ANO3: variants seen among roughly 807,000 people sequenced by gnomAD.
ANO3 encodes anoctamin-3.
Under a neutral mutation model 144.8 loss-of-function variants are expected in ANO3, and 99 were observed. The ratio of observed to expected loss-of-function variants is 0.68; its 90% confidence interval spans 0.58 to 0.81. The LOEUF is 0.81. Among genes scored for constraint, ANO3 ranks in the 30% least tolerant of loss-of-function variants. The pLI, the probability that ANO3 is intolerant of heterozygous loss-of-function variation, is 0.00. For missense variants in ANO3, 905 were observed against 1,202.2 expected (o/e 0.75, Z 3.66); for synonymous variants, 414 against 392.6 (o/e 1.05, Z -0.64).
At chr11:26,352,179 A>G (rs1358509429) in intron 1 of ANO3, among the ~76,000 whole-genome samples, 1 of 152,176 alleles carries the variant, frequency 6.6e-6, no homozygotes, top group African/African-American at 2.4e-5. Context: ...GAACAAACCA[A>G]GTACTGACTA....
chr11:26,206,968 G>A (rs1301130856), intron 1 of ANO3, among the ~76,000 whole-genome samples: 2 of 152,078 alleles, frequency 1.3e-5, no homozygotes, highest in African/African-American at 4.8e-5. Flanking sequence ...AGTATGAAGG[G>A]CAAATATTAC....
At chr11:26,395,742 A>G (rs529005912) in intron 1 of ANO3, among the ~76,000 whole-genome samples, 8 of 152,214 alleles carry the variant, frequency 5.3e-5, no homozygotes, top group East Asian at 3.9e-4. Flanking sequence ...GGCTAGCCAT[A>G]TACAGAAAAC....
chr11:26,648,919 G>A (rs1041751683), intron 24 of ANO3, among the ~76,000 whole-genome samples: 3 of 152,124 alleles, frequency 2.0e-5, no homozygotes, highest in African/African-American at 4.8e-5. Flanking sequence ...AGGAACTGAC[G>A]TTTTCTCAGA....
At position 26,388,606 on chromosome 11, in the gene ANO3, CTAAT is replaced by C. The variant is rs113036918; in HGVS notation, c.47-53310_47-53307del. The stretch of plus-strand genomic sequence containing the variant: ...TTTACAATATACGTATGACTAGCAA[CTAAT>C]TGTTTTCTCATTCTACTCCTAAGGA... On this transcript the variant is annotated intron_variant, in intron 1 of 26. Transcript: ENST00000256737. Among the ~76,000 whole-genome samples the C allele has an allele frequency of 1.2e-3, 183 of 152,158 alleles. 1 individual carries two copies. The highest frequency in any genetic ancestry group is 4.2e-3 in the African/African-American group (173 of 41,520).
At chr11:26,639,109 A>G (rs1481699064) in intron 20 of ANO3, 35 bp from the exon 21 acceptor site, 7 of 1,438,718 alleles carry the variant, frequency 4.9e-6, no homozygotes, top group Middle Eastern at 3.5e-4. Flanking sequence ...TGGGAAGAAG[A>G]CCAATATCAT....
intron 18 of ANO3, among the ~76,000 whole-genome samples, chr11:26,629,634 AT>A (rs560348945): frequency 2.0e-5 from 3 of 151,232 alleles, no homozygotes; most frequent in Non-Finnish European, 4.4e-5. Context: ...TAAACCTGCT[AT>A]TTTTTTTTCT....
intron 1 of ANO3, among the ~76,000 whole-genome samples, chr11:26,396,569 A>G (rs60627416): frequency 0.27 from 40,342 of 151,634 alleles, 6,010 homozygotes; most frequent in African/African-American, 0.41. Context: ...GATTAACTGG[A>G]TAAAGAAAAT....
At chr11:26,257,166 A>G (rs1564936612) in intron 1 of ANO3, among the ~76,000 whole-genome samples, 1 of 152,146 alleles carries the variant, frequency 6.6e-6, no homozygotes, top group East Asian at 1.9e-4. Flanking sequence ...ATGTATGTAT[A>G]CATATATGTA....
chr11:26,389,156 G>A (rs17243287), intron 1 of ANO3, among the ~76,000 whole-genome samples: 6,049 of 152,076 alleles, frequency 0.04, 180 homozygotes, highest in Middle Eastern at 0.066. Flanking sequence ...TATCTCCATA[G>A]CAACAAGATA....
chr11:26,346,318 G>A (rs1855494570), intron 1 of ANO3, among the ~76,000 whole-genome samples: 1 of 152,154 alleles, frequency 6.6e-6, no homozygotes, highest in African/African-American at 2.4e-5. Context: ...GCAAAGTGTG[G>A]AGATTATAGG....
chr11:26,197,723 C>T (rs1479117480), intron 1 of ANO3, among the ~76,000 whole-genome samples: 1 of 152,084 alleles, frequency 6.6e-6, no homozygotes, highest in East Asian at 1.9e-4. Context: ...GGGTTTACTT[C>T]ATGGTCCTAA....
Position 26,661,753 on chromosome 11 carries a change from A to G in ANO3, c.*1309A>G, listed in dbSNP as rs796535885. 17 of 152,196 alleles carry G rather than the reference A, an allele frequency of 1.1e-4. No individual in the cohort carries two copies. The highest frequency in any genetic ancestry group is 1.9e-4 in the African/African-American group (8 of 41,558). 9.4% of individuals were successfully genotyped at this position (152,196 alleles called of 1,614,324 possible). A position where few individuals can be genotyped will look rare whatever the true frequency, so the allele number is the denominator to read the frequency against. ...CTATTTCAACGTCAACTCTGTATCT[A>G]TGAGTATGTCTGTTCCACAGACAGA... On this transcript the variant is annotated 3_prime_UTR_variant, in exon 27 of 27. Coordinates refer to ENST00000256737, the MANE Select transcript of ANO3 (RefSeq NM_031418.4).
At chr11:26,654,445 A>G (rs532420106) in intron 24 of ANO3, among the ~76,000 whole-genome samples, 58 of 152,170 alleles carry the variant, frequency 3.8e-4, no homozygotes, top group African/African-American at 1.1e-3. Flanking sequence ...ATATTTTTCT[A>G]TATTGACCTT....
At chr11:26,433,353 C>A (rs1425966576) in intron 1 of ANO3, among the ~76,000 whole-genome samples, 1 of 152,112 alleles carries the variant, frequency 6.6e-6, no homozygotes, top group Non-Finnish European at 1.5e-5. Context: ...GAAAATATGA[C>A]TTCCTCTCTT....
At chr11:26,502,166 A>C (rs10767539) in intron 4 of ANO3, among the ~76,000 whole-genome samples, 140,962 of 152,114 alleles carry the variant, frequency 0.93, 65,627 homozygotes, top group South Asian at 0.97. Flanking sequence ...TAAAAGGGTT[A>C]ATTTGGATTA....
At chr11:26,247,699 T>C (rs938912726) in intron 1 of ANO3, among the ~76,000 whole-genome samples, 2 of 151,226 alleles carry the variant, frequency 1.3e-5, no homozygotes, top group African/African-American at 4.8e-5. Flanking sequence ...AAAACCCAGA[T>C]GTTTCATTTA....
rs371323508 is a variant in ANO3, at chr11:26,563,008, T to C, written c.1447+3229T>C. The C allele has an allele frequency of 1.5e-4, 218 of 1,430,634 alleles. No homozygotes were observed. In the South Asian group the frequency reaches 3.2e-3, roughly 21 times the overall value. 88.6% of individuals were successfully genotyped at this position (1,430,634 alleles called of 1,614,324 possible). A position where few individuals can be genotyped will look rare whatever the true frequency, so the allele number is the denominator to read the frequency against. On this transcript the variant is annotated intron_variant, in intron 14 of 26. Coordinates refer to ENST00000256737, the MANE Select transcript of ANO3 (RefSeq NM_031418.4). ...TCAGAATAAGTCTTTAGTTTGTTCA[T>C]TCATATGAATTCTTTTGGAATTACC...
chr11:26,232,445 T>A (rs946796339), intron 1 of ANO3, among the ~76,000 whole-genome samples: 1 of 151,820 alleles, frequency 6.6e-6, no homozygotes, highest in Admixed American at 6.6e-5. Context: ...GAAAAAAAAA[T>A]GCATAGCCCT....
rs554886559 is a variant in ANO3 at position 26,238,407 on chromosome 11, G to C, written c.154+49077G>C. ...TGTTGAATTCAATAGTCTTAATTTA[G>C]AATCATCATAGGTTAAGACTGAAAA... On this transcript the variant is annotated intron_variant, in intron 1 of 27. Transcript: ENST00000672621. Among the ~76,000 whole-genome samples, 3 of 152,106 alleles carry C rather than the reference G, an allele frequency of 2.0e-5. No homozygotes were observed. The East Asian group carries it at 5.8e-4, about 29-fold the overall frequency.
Sources: gnomAD v4.1 joint callset for allele counts (sites outside exome capture counted in the v4.1 genomes callset) on GRCh38, gnomAD v4.1.1 for gene constraint, MANE v1.5 for transcripts, NCBI Gene and HGNC (gene_info 2026-07-23, HGNC 2026-07-21) for gene names.